Variants in JUND observed in about 807,000 individuals in gnomAD.
JUND encodes the protein JunD proto-oncogene, AP-1 transcription factor subunit.
In JUND, 2 loss-of-function variants were observed where a neutral mutation model predicts 7.1. That is an observed-to-expected ratio of 0.28 (90% CI 0.11 to 0.88). The LOEUF (loss-of-function observed/expected upper bound fraction) is 0.88. Ranked by LOEUF, JUND falls within the 40% of genes least tolerant of loss-of-function variation. The pLI is 0.60. For synonymous variants in JUND, 335 were observed against 263.2 expected, an observed-to-expected ratio of 1.27 and a Z score of -2.64; for missense variants, 479 against 519.1, an observed-to-expected ratio of 0.92 and a Z score of 0.75.
chr19:18,280,431 G>A lies in JUND; in HGVS notation c.*10C>T. 1.3e-6 allele frequency: 2 copies of A among 1,545,756 alleles called. No individual in the cohort carries two copies. Among genetic ancestry groups the A allele is most frequent in the Non-Finnish European group, 1.7e-6 (2 of 1,146,842 alleles). The stretch of plus-strand genomic sequence containing the variant: ...GGGAGGGTGGCCGCGCATGCGCCCC[G>A]CGCGCGGACTCAGTACGCGGGCACC... On this transcript the variant is annotated 3_prime_UTR_variant, in exon 1 of 1. Coordinates refer to ENST00000252818, the MANE Select transcript of JUND (RefSeq NM_005354.6). This position sits in a 1 kb window ranked among gnomAD's most constrained non-coding sequence, Gnocchi z 4.1.
In JUND at chr19:18,281,064, C is replaced by T. The variant is rs147851587; in HGVS notation, c.421G>A (p.Val141Ile). The change falls in exon 1 of 1, where the codon GTC becomes ATC. Residue 141 changes from valine (V) to isoleucine (I), a missense_variant. Coordinates refer to ENST00000252818, the MANE Select transcript of JUND (RefSeq NM_005354.6). ...TTGTGTAAATCCTCCAGGGCCTTGACGAAGCCCTCGGCGAACTCCTGCTCC... is the reference window on the plus strand; with the variant it reads ...TTGTGTAAATCCTCCAGGGCCTTGATGAAGCCCTCGGCGAACTCCTGCTCC... ...SEEQEFAEGFVKALEDLHKQN... is the reference protein window; with the variant it reads ...SEEQEFAEGFIKALEDLHKQN... 6.4e-6 allele frequency: 10 copies of T among 1,568,906 alleles called. No individual in the cohort carries two copies. The Admixed American group carries it at 7.1e-5, about 11-fold the overall frequency.
In JUND at chr19:18,280,256, T is replaced by TCGAGTCCGGGGCGCCCCTTC. The variant is rs143890393; in HGVS notation, c.*184_*185insGAAGGGGCGCCCCGGACTCG. 344,628 of 538,750 alleles carry TCGAGTCCGGGGCGCCCCTTC rather than the reference T, an allele frequency of 0.64. 111,471 individuals carry two copies. The highest frequency in any genetic ancestry group is 0.8 in the East Asian group (22,753 of 28,470). The allele number at this position is 538,750 out of a possible 1,614,324, so 33.4% of individuals were successfully genotyped here. A position where few individuals can be genotyped will look rare whatever the true frequency, so the allele number is the denominator to read the frequency against. On this transcript the variant is annotated 3_prime_UTR_variant, in exon 1 of 1. Transcript: ENST00000252818. The surrounding 1 kb of genome is among the most constrained non-coding windows in gnomAD (Gnocchi z 4.1). Reference sequence around the variant, plus strand: ...CCCCGGGAGCAGGGGGTCCAGCTTGTCGAGTCCTGGGCACCCTCGGGGGGG... The same window carrying TCGAGTCCGGGGCGCCCCTTC: ...CCCCGGGAGCAGGGGGTCCAGCTTGTCGAGTCCGGGGCGCCCCTTCCGAGTCCTGGGCACCCTCGGGGGGG...
In JUND at chr19:18,280,520, G is replaced by T; in HGVS notation, c.965C>A (p.Ala322Glu). 6.2e-7 allele frequency: 1 copy of T among 1,609,576 alleles called. No homozygotes were observed. Among genetic ancestry groups the T allele is most frequent in the Non-Finnish European group, 8.5e-7 (1 of 1,178,506 alleles). ...STASLLREQV[A>E]QLKQKVLSHV... The stretch of plus-strand genomic sequence containing the variant: ...GCTGAGGACTTTCTGCTTGAGCTGC[G>T]CCACCTGCTCGCGCAGCAGGCTCGC... Residue 322 changes from alanine (A) to glutamate (E), a missense_variant, in exon 1 of 1, where the codon GCG (alanine) becomes GAG (glutamate). Coordinates refer to ENST00000252818, the MANE Select transcript of JUND (RefSeq NM_005354.6). The surrounding 1 kb of genome is among the most constrained non-coding windows in gnomAD (Gnocchi z 4.1).
chr19:18,281,576 C>T lies in JUND; in HGVS notation c.-92G>A, dbSNP rs1178254784. On this transcript the variant is annotated 5_prime_UTR_variant, in exon 1 of 1. Coordinates refer to ENST00000252818, the MANE Select transcript of JUND (RefSeq NM_005354.6). ...CCCCGTCCGCTCGGCCCTGCGCCCGCCCCGGCCGCGGCCGCAGCGCCCGGC... is the reference window on the plus strand; with the variant it reads ...CCCCGTCCGCTCGGCCCTGCGCCCGTCCCGGCCGCGGCCGCAGCGCCCGGC... 20 of 400,464 alleles carry T rather than the reference C, an allele frequency of 5.0e-5. No homozygotes were observed. In the East Asian group the frequency reaches 9.7e-4, roughly 19 times the overall value. The allele number at this position is 400,464 out of a possible 1,614,324, so 24.8% of individuals were successfully genotyped here. A position where few individuals can be genotyped will look rare whatever the true frequency, so the allele number is the denominator to read the frequency against.
rs1467767090 is a variant in JUND, at chr19:18,281,576, CCCCGGCCGCGGCCGCAGCGCCCGG to C, written c.-116_-93del. 1.7e-5 allele frequency: 7 copies of C among 400,358 alleles called. No individual in the cohort carries two copies. Among genetic ancestry groups the C allele is most frequent in the African/African-American group, 6.6e-5 (3 of 45,330 alleles). 24.8% of individuals were successfully genotyped at this position (400,358 alleles called of 1,614,324 possible). ...CCCCGTCCGCTCGGCCCTGCGCCCGCCCCGGCCGCGGCCGCAGCGCCCGGCCCTCCACTGGCGGCGGCTCCTGCG... is the reference window on the plus strand; with the variant it reads ...CCCCGTCCGCTCGGCCCTGCGCCCGCCCCTCCACTGGCGGCGGCTCCTGCG... On this transcript the variant is annotated 5_prime_UTR_variant, in exon 1 of 1. Coordinates refer to ENST00000252818, the MANE Select transcript of JUND (RefSeq NM_005354.6).
chr19:18,281,065 G>A lies in JUND; in HGVS notation c.420C>T (p.Phe140=), dbSNP rs1969938268. The A allele has an allele frequency of 6.4e-7, 1 of 1,569,100 alleles. No individual in the cohort carries two copies. Among genetic ancestry groups the A allele is most frequent in the Non-Finnish European group, 8.6e-7 (1 of 1,162,554 alleles). The part of the protein sequence containing the change: ...ASEEQEFAEG[F]VKALEDLHKQ... ...TGTGTAAATCCTCCAGGGCCTTGAC[G>A]AAGCCCTCGGCGAACTCCTGCTCCT... Residue 140 remains phenylalanine (F), a synonymous_variant, in exon 1 of 1, where the codon TTC becomes TTT. Coordinates refer to ENST00000252818, the MANE Select transcript of JUND (RefSeq NM_005354.6).
At position 18,280,524 on chromosome 19, in the gene JUND, C is replaced by T; in HGVS notation, c.961G>A (p.Val321Met). The T allele has an allele frequency of 6.2e-7, 1 of 1,610,668 alleles. No homozygotes were observed. The highest frequency in any genetic ancestry group is 1.3e-5 in the African/African-American group (1 of 75,002). ...ASTASLLREQ[V>M]AQLKQKVLSH... ...AGGACTTTCTGCTTGAGCTGCGCCACCTGCTCGCGCAGCAGGCTCGCCGTG... is the reference window on the plus strand; with the variant it reads ...AGGACTTTCTGCTTGAGCTGCGCCATCTGCTCGCGCAGCAGGCTCGCCGTG... Residue 321 changes from valine (V) to methionine (M), a missense_variant, in exon 1 of 1, where the codon GTG (valine) becomes ATG (methionine). Around this residue, in one of 3 missense-constraint regions of JUND, gnomAD observed 42 missense variants for 37.1 expected, o/e 1.13. Coordinates refer to ENST00000252818, the MANE Select transcript of JUND (RefSeq NM_005354.6). The surrounding 1 kb of genome is among the most constrained non-coding windows in gnomAD (Gnocchi z 4.1).
At position 18,281,418 on chromosome 19, in the gene JUND, C is replaced by CGCCGCT; in HGVS notation, c.61_66dup (p.Ser21_Gly22dup). ...AAGCGGCCCGGGGACGCGAAGCTGC[C>CGCCGCT]GCCGCTGCCACTGGCGCCGCCGCCC... On this transcript the variant is annotated inframe_insertion, in exon 1 of 1. Transcript: ENST00000252818. 1 of 1,358,700 alleles carries CGCCGCT rather than the reference C, an allele frequency of 7.4e-7. No individual in the cohort carries two copies. Among genetic ancestry groups the CGCCGCT allele is most frequent in the East Asian group, 3.1e-5 (1 of 32,026 alleles). The allele number at this position is 1,358,700 out of a possible 1,614,324, so 84.2% of individuals were successfully genotyped here. A position where few individuals can be genotyped will look rare whatever the true frequency, so the allele number is the denominator to read the frequency against.
At position 18,280,058 on chromosome 19, in the gene JUND, A is replaced by G; in HGVS notation, c.*383T>C. The G allele has an allele frequency of 4.1e-6, 1 of 241,368 alleles. No homozygotes were observed. The highest frequency in any genetic ancestry group is 4.4e-5 in the South Asian group (1 of 22,914). 15.0% of individuals were successfully genotyped at this position (241,368 alleles called of 1,614,324 possible). ...CTGTTCTTCTCTCTTCCAAAGAAAA[A>G]AAAAAAAAAGTAAAAGTAAAGGAAA... On this transcript the variant is annotated 3_prime_UTR_variant, in exon 1 of 1. Coordinates refer to ENST00000252818, the MANE Select transcript of JUND (RefSeq NM_005354.6). The surrounding 1 kb of genome is among the most constrained non-coding windows in gnomAD (Gnocchi z 4.1).
chr19:18,281,543 C>T lies in JUND; in HGVS notation c.-59G>A. ...GAGTGGCCGCGGCCTCCCGGGGGGC[C>T]CGCGCCCCCCCGTCCGCTCGGCCCT... On this transcript the variant is annotated 5_prime_UTR_variant, in exon 1 of 1. Coordinates refer to ENST00000252818, the MANE Select transcript of JUND (RefSeq NM_005354.6). The T allele has an allele frequency of 1.2e-6, 1 of 849,348 alleles. No individual in the cohort carries two copies. The highest frequency in any genetic ancestry group is 1.5e-6 in the Non-Finnish European group (1 of 675,342). The allele number at this position is 849,348 out of a possible 1,614,324, so 52.6% of individuals were successfully genotyped here. A position where few individuals can be genotyped will look rare whatever the true frequency, so the allele number is the denominator to read the frequency against.
Position 18,280,276 on chromosome 19 carries a change from G to T in JUND, c.*165C>A, listed in dbSNP as rs1169372159. 2 of 84,952 alleles carry T rather than the reference G, an allele frequency of 2.4e-5. No homozygotes were observed. Among genetic ancestry groups the T allele is most frequent in the Non-Finnish European group, 3.6e-5 (2 of 55,582 alleles). 5.3% of individuals were successfully genotyped at this position (84,952 alleles called of 1,614,324 possible). A position where few individuals can be genotyped will look rare whatever the true frequency, so the allele number is the denominator to read the frequency against. ...GCTTGTCGAGTCCTGGGCACCCTCG[G>T]GGGGGGGGAATCCCCGGGGGCCGCG... On this transcript the variant is annotated 3_prime_UTR_variant, in exon 1 of 1. Coordinates refer to ENST00000252818, the MANE Select transcript of JUND (RefSeq NM_005354.6). This position sits in a 1 kb window ranked among gnomAD's most constrained non-coding sequence, Gnocchi z 4.1.
rs1024944843 is a variant in JUND at position 18,281,512 on chromosome 19, G to A, written c.-28C>T. Reference sequence around the variant, plus strand: ...TCCGCCTCCCCCGCCGCGCCGGCCCGGGGGGGAGTGGCCGCGGCCTCCCGG... The same window carrying A: ...TCCGCCTCCCCCGCCGCGCCGGCCCAGGGGGGAGTGGCCGCGGCCTCCCGG... On this transcript the variant is annotated 5_prime_UTR_variant, in exon 1 of 1. Transcript: ENST00000252818. The A allele has an allele frequency of 1.7e-6, 2 of 1,181,850 alleles. No homozygotes were observed. The highest frequency in any genetic ancestry group is 2.1e-6 in the Non-Finnish European group (2 of 947,530). The allele number at this position is 1,181,850 out of a possible 1,614,324, so 73.2% of individuals were successfully genotyped here.
Position 18,280,319 on chromosome 19 carries a change from G to T in JUND, c.*122C>A, listed in dbSNP as rs927635075. 9 of 1,037,442 alleles carry T rather than the reference G, an allele frequency of 8.7e-6. No individual in the cohort carries two copies. The highest frequency in any genetic ancestry group is 8.4e-5 in the African/African-American group (5 of 59,342). 64.3% of individuals were successfully genotyped at this position (1,037,442 alleles called of 1,614,324 possible). A position where few individuals can be genotyped will look rare whatever the true frequency, so the allele number is the denominator to read the frequency against. On this transcript the variant is annotated 3_prime_UTR_variant, in exon 1 of 1. Transcript: ENST00000252818. This position sits in a 1 kb window ranked among gnomAD's most constrained non-coding sequence, Gnocchi z 4.1. ...GGGCCGCGCCCTCTCTGAGTTCCTG[G>T]GCACACTCGGGGAGGGGGGGTCCCC... is the stretch of plus-strand genomic sequence containing the variant.
chr19:18,281,586 G>C lies in JUND; in HGVS notation c.-102C>G, dbSNP rs1308148627. 3 of 298,504 alleles carry C rather than the reference G, an allele frequency of 1.0e-5. No homozygotes were observed. The highest frequency in any genetic ancestry group is 2.3e-5 in the African/African-American group (1 of 43,368). The allele number at this position is 298,504 out of a possible 1,614,324, so 18.5% of individuals were successfully genotyped here. A position where few individuals can be genotyped will look rare whatever the true frequency, so the allele number is the denominator to read the frequency against. ...TCGGCCCTGCGCCCGCCCCGGCCGC[G>C]GCCGCAGCGCCCGGCCCTCCACTGG... is the stretch of plus-strand genomic sequence containing the variant. On this transcript the variant is annotated 5_prime_UTR_variant, in exon 1 of 1. Transcript: ENST00000252818.
Position 18,281,595 on chromosome 19 carries a change from G to A in JUND, c.-111C>T, listed in dbSNP as rs1042767281. On this transcript the variant is annotated 5_prime_UTR_variant, in exon 1 of 1. Transcript: ENST00000252818. ...CGCCCGCCCCGGCCGCGGCCGCAGC[G>A]CCCGGCCCTCCACTGGCGGCGGCTC... 3.0e-4 allele frequency: 75 copies of A among 251,646 alleles called. No homozygotes were observed. Among genetic ancestry groups the A allele is most frequent in the Non-Finnish European group, 3.5e-4 (56 of 161,758 alleles). 15.6% of individuals were successfully genotyped at this position (251,646 alleles called of 1,614,324 possible).
Position 18,281,245 on chromosome 19 carries a change from G to T in JUND, c.240C>A (p.Ser80Arg). Residue 80 changes from serine to arginine, a missense_variant, in exon 1 of 1, where the codon AGC becomes AGA. Around this residue, in one of 3 missense-constraint regions of JUND, gnomAD observed 374 missense variants for 365.4 expected, o/e 1.02. Transcript: ENST00000252818. ...PTPLRADGAPSAAPPDGLLAS... is the reference protein window; with the variant it reads ...PTPLRADGAPRAAPPDGLLAS... ...CGAGCAGGCCGTCGGGGGGTGCCGC[G>T]CTGGGGGCGCCGTCGGCGCGCAGGG... 6.8e-7 allele frequency: 1 copy of T among 1,475,828 alleles called. No homozygotes were observed. The highest frequency in any genetic ancestry group is 1.3e-5 in the South Asian group (1 of 78,702). 91.4% of individuals were successfully genotyped at this position (1,475,828 alleles called of 1,614,324 possible).
chr19:18,281,007 C>T lies in JUND; in HGVS notation c.478G>A (p.Ala160Thr), dbSNP rs1969936676. ...CCCCCGGCGGCGGCGGCGGCGGCGGCAGCGGCCGCGCCCGCGCCGAGCTGG... is the reference window on the plus strand; with the variant it reads ...CCCCCGGCGGCGGCGGCGGCGGCGGTAGCGGCCGCGCCCGCGCCGAGCTGG... ...QNQLGAGAAA[A>T]AAAAAAGGPS... The change falls in exon 1 of 1, where the codon GCC (alanine) becomes ACC (threonine). Residue 160 changes from alanine to threonine, a missense_variant. This residue lies in a region of JUND where 374 missense variants were observed against 365.4 expected (regional missense o/e 1.02). Transcript: ENST00000252818. 7.2e-6 allele frequency: 9 copies of T among 1,255,922 alleles called. No individual in the cohort carries two copies. The South Asian group carries it at 1.1e-4, about 16-fold the overall frequency. 77.8% of individuals were successfully genotyped at this position (1,255,922 alleles called of 1,614,324 possible). A position where few individuals can be genotyped will look rare whatever the true frequency, so the allele number is the denominator to read the frequency against.
chr19:18,281,344 C>A lies in JUND; in HGVS notation c.141G>T (p.Lys47Asn). 2.2e-6 allele frequency: 3 copies of A among 1,349,668 alleles called. No homozygotes were observed. The highest frequency in any genetic ancestry group is 3.1e-5 in the East Asian group (1 of 32,322). The allele number at this position is 1,349,668 out of a possible 1,614,324, so 83.6% of individuals were successfully genotyped here. ...CACTCAGGCTCAGCGTCAGCGCGTCCTTCTTCATCATGCTGCCGGCCGCGG... is the reference window on the plus strand; with the variant it reads ...CACTCAGGCTCAGCGTCAGCGCGTCATTCTTCATCATGCTGCCGGCCGCGG... ...PTAAAGSMMK[K>N]DALTLSLSEQ... Residue 47 changes from lysine to asparagine, a missense_variant, in exon 1 of 1, where the codon AAG becomes AAT. Physicochemically the swap from Lys to Asn is moderately conservative, Grantham distance 94. Coordinates refer to ENST00000252818, the MANE Select transcript of JUND (RefSeq NM_005354.6).
chr19:18,280,184 G>A lies in JUND; in HGVS notation c.*257C>T, dbSNP rs1969909570. The A allele has an allele frequency of 2.4e-6, 1 of 421,966 alleles. No individual in the cohort carries two copies. Among genetic ancestry groups the A allele is most frequent in the South Asian group, 2.5e-5 (1 of 40,794 alleles). The allele number at this position is 421,966 out of a possible 1,614,324, so 26.1% of individuals were successfully genotyped here. A position where few individuals can be genotyped will look rare whatever the true frequency, so the allele number is the denominator to read the frequency against. On this transcript the variant is annotated 3_prime_UTR_variant, in exon 1 of 1. Transcript: ENST00000252818. This position sits in a 1 kb window ranked among gnomAD's most constrained non-coding sequence, Gnocchi z 4.1. ...GGTTTGTGCAACACGGGGCGGCCGC[G>A]CGGGGGAAAGAGGCAGCGCGAGGGC...
Sources: allele counts gnomAD v4.1 joint callset, GRCh38; gene constraint gnomAD v4.1.1; regional missense constraint gnomAD v4.1.1; non-coding constraint Gnocchi (gnomAD v3.1); transcripts MANE v1.5; gene names NCBI Gene and HGNC (gene_info 2026-07-23, HGNC 2026-07-21).